Variants in ATMIN observed in about 807,000 individuals in gnomAD.
ATMIN encodes the protein ATM INteracting protein.
ATMIN carries 24 observed loss-of-function variants against 49.2 expected under a neutral mutation model. The ratio of observed to expected loss-of-function variants is 0.49; its 90% CI spans 0.35 to 0.69. ATMIN has a LOEUF of 0.69. Among genes scored for constraint, ATMIN ranks in the 30% least tolerant of loss-of-function variants. ATMIN has a pLI of 0.00. For missense variants in ATMIN, 1,037 were observed against 1,005.5 expected (o/e 1.03, Z -0.42); for synonymous variants, 450 against 392.5 (o/e 1.15, Z -1.73).
intron 1 of ATMIN, among the ~76,000 whole-genome samples, chr16:81,038,881 C>T (rs1334387431): frequency 3.3e-5 from 5 of 152,100 alleles, no homozygotes; most frequent in South Asian, 2.1e-4. Context: ...CTGCAACTTC[C>T]GCTTCTCGGG....
intron 1 of ATMIN, among the ~76,000 whole-genome samples, chr16:81,036,616 C>G (rs1321985210): frequency 6.6e-6 from 1 of 152,204 alleles, no homozygotes. Flanking sequence ...GGGCTTTAAA[C>G]CGGGGCCTCT....
Position 81,036,309 on chromosome 16 carries a change from C to T in ATMIN, c.336+103C>T, listed in dbSNP as rs1013740692. On this transcript the variant is annotated intron_variant, in intron 1 of 3. Transcript: ENST00000299575. The stretch of plus-strand genomic sequence containing the variant: ...GCCTCGGGGGGACGAGCGCCCTGCG[C>T]GCTGCCGCTGCCGCTGCCCCACCGG... 73 of 990,636 alleles carry T rather than the reference C, an allele frequency of 7.4e-5. No individual in the cohort carries two copies. The Admixed American group carries it at 3.0e-3, about 40-fold the overall frequency. 61.4% of individuals were successfully genotyped at this position (990,636 alleles called of 1,614,324 possible). A position where few individuals can be genotyped will look rare whatever the true frequency, so the allele number is the denominator to read the frequency against.
rs565178281 is a variant in ATMIN at position 81,044,498 on chromosome 16, C to T, written c.2000C>T (p.Ser667Leu). The change falls in exon 4 of 4, where the codon TCA (serine) becomes TTA (leucine). Residue 667 changes from serine to leucine, a missense_variant. Ser to Leu is a moderately radical substitution (Grantham distance 145). Transcript: ENST00000299575. The part of the protein sequence containing the change: ...STMTTEPVLE[S>L]LDIETQTDFL... ...ATGACCACCGAGCCAGTCTTGGAGT[C>T]ACTGGACATAGAGACTCAAACGGAC... The T allele has an allele frequency of 8.7e-6, 14 of 1,614,078 alleles. No individual in the cohort carries two copies. In the South Asian group the frequency reaches 1.3e-4, roughly 15 times the overall value.
rs1371780531 is a variant in ATMIN at position 81,046,748 on chromosome 16, C to T, written c.*1778C>T. 2 of 152,158 alleles carry T rather than the reference C, an allele frequency of 1.3e-5. No individual in the cohort carries two copies. Among genetic ancestry groups the T allele is most frequent in the South Asian group, 4.2e-4 (2 of 4,816 alleles). 9.4% of individuals were successfully genotyped at this position (152,158 alleles called of 1,614,324 possible). A position where few individuals can be genotyped will look rare whatever the true frequency, so the allele number is the denominator to read the frequency against. On this transcript the variant is annotated 3_prime_UTR_variant, in exon 4 of 4. Transcript: ENST00000299575. ...TTACTGAAAGCTAAATCCTCAAAAC[C>T]TAGTAAGGGGACTAATGATTCATTA...
chr16:81,045,087 GCTT>G lies in ATMIN; in HGVS notation c.*121_*123del, dbSNP rs1971097435. On this transcript the variant is annotated 3_prime_UTR_variant, in exon 4 of 4. Coordinates refer to ENST00000299575, the MANE Select transcript of ATMIN (RefSeq NM_015251.3). ...ATGTGGCTGATGATGCAGTTGCTTA[GCTT>G]CTTTGTGTTTCTTTGCCTTTTGTAC... 3.0e-6 allele frequency: 4 copies of G among 1,346,742 alleles called. No homozygotes were observed. Among genetic ancestry groups the G allele is most frequent in the Admixed American group, 2.5e-5 (1 of 39,700 alleles). 83.4% of individuals were successfully genotyped at this position (1,346,742 alleles called of 1,614,324 possible). A position where few individuals can be genotyped will look rare whatever the true frequency, so the allele number is the denominator to read the frequency against.
intron 1 of ATMIN, chr16:81,037,091 C>T (rs1227348166): frequency 2.7e-5 from 21 of 766,206 alleles, no homozygotes; most frequent in Non-Finnish European, 3.3e-5. Context: ...ACATCTGTGA[C>T]AAGCTTATTA....
chr16:81,038,397 C>G (rs187177151), intron 1 of ATMIN, among the ~76,000 whole-genome samples: 4 of 152,264 alleles, frequency 2.6e-5, no homozygotes, highest in Non-Finnish European at 5.9e-5. Flanking sequence ...TCCTAAAGGG[C>G]TGGGATTACA....
chr16:81,042,149 A>T, intron 2 of ATMIN, 132 bp from the exon 3 acceptor site: 1 of 764,196 alleles, frequency 1.3e-6, no homozygotes, highest in Non-Finnish European at 2.2e-6. Context: ...CATTCTTTTG[A>T]CTTGGACTGC....
At position 81,042,428 on chromosome 16, in the gene ATMIN, G is replaced by A; in HGVS notation, c.610G>A (p.Ala204Thr). ...TCGCPYASRT[A>T]LQSHIYRTGH... is the part of the protein sequence containing the mutation. Reference sequence around the variant, plus strand: ...CGGCTGTCCCTACGCCAGTAGAACAGCACTGCAGTCTCACATCTACCGAAC... The same window carrying A: ...CGGCTGTCCCTACGCCAGTAGAACAACACTGCAGTCTCACATCTACCGAAC... Residue 204 changes from alanine (A) to threonine (T), a missense_variant, in exon 3 of 4, where the codon GCA becomes ACA. Physicochemically the swap from Ala to Thr is moderately conservative, Grantham distance 58 (BLOSUM62 0). Transcript: ENST00000299575. 1.2e-6 allele frequency: 2 copies of A among 1,614,186 alleles called. No homozygotes were observed. Among genetic ancestry groups the A allele is most frequent in the Non-Finnish European group, 1.7e-6 (2 of 1,180,044 alleles).
chr16:81,041,666 G>GA (rs1368005844), intron 2 of ATMIN, 185 bp downstream of exon 2: 2 of 634,896 alleles, frequency 3.2e-6, no homozygotes, highest in Non-Finnish European at 5.3e-6. Context: ...GCACGGTCTG[G>GA]AGGGAATATG....
intron 1 of ATMIN, among the ~76,000 whole-genome samples, chr16:81,038,647 G>A (rs1009110950): frequency 6.6e-6 from 1 of 152,106 alleles, no homozygotes; most frequent in Non-Finnish European, 1.5e-5. Flanking sequence ...TCTGTACCTT[G>A]TCTGGTTACT....
intron 1 of ATMIN, 57 bp from the exon 2 acceptor site, chr16:81,041,299 C>G (rs12444747): frequency 0.075 from 116,207 of 1,547,924 alleles, 4,814 homozygotes; most frequent in African/African-American, 0.093. Flanking sequence ...CGTTTCCACT[C>G]CAGCCTGTTG....
At chr16:81,039,112 A>T (rs1164755064) in intron 1 of ATMIN, among the ~76,000 whole-genome samples, 1 of 152,124 alleles carries the variant, frequency 6.6e-6, no homozygotes, top group Non-Finnish European at 1.5e-5. Context: ...ATCAATGTTG[A>T]TACCTGTTTT....
rs1971118628 is a variant in ATMIN, at chr16:81,046,293, G to A, written c.*1323G>A. The A allele has an allele frequency of 6.6e-6, 1 of 152,186 alleles. No individual in the cohort carries two copies. The allele number at this position is 152,186 out of a possible 1,614,324, so 9.4% of individuals were successfully genotyped here. A position where few individuals can be genotyped will look rare whatever the true frequency, so the allele number is the denominator to read the frequency against. ...TTCTACTAAGCTTGATAGGGCAGGA[G>A]TGCAATCTACAATTATTTTAAAGTG... is the stretch of plus-strand genomic sequence containing the variant. On this transcript the variant is annotated 3_prime_UTR_variant, in exon 4 of 4. Coordinates refer to ENST00000299575, the MANE Select transcript of ATMIN (RefSeq NM_015251.3).
chr16:81,039,794 T>G (rs1022892854), intron 1 of ATMIN, among the ~76,000 whole-genome samples: 1 of 152,222 alleles, frequency 6.6e-6, no homozygotes, highest in African/African-American at 2.4e-5. Flanking sequence ...TGTGTTATTT[T>G]TAGTCCAGAG....
chr16:81,043,593 C>T lies in ATMIN; in HGVS notation c.1095C>T (p.Ser365=). 1 of 1,614,090 alleles carries T rather than the reference C, an allele frequency of 6.2e-7. No homozygotes were observed. Among genetic ancestry groups the T allele is most frequent in the South Asian group, 1.1e-5 (1 of 91,080 alleles). The change falls in exon 4 of 4, where the codon AGC becomes AGT. Residue 365 remains serine (S), a synonymous_variant. Coordinates refer to ENST00000299575, the MANE Select transcript of ATMIN (RefSeq NM_015251.3). ...LDSEACSLKE[S]LPLFKIANPI... ...CAGAGGCTTGCTCTCTTAAGGAGAG[C>T]CTACCTCTTTTCAAAATTGCTAATC...
intron 2 of ATMIN, 194 bp downstream of exon 2, chr16:81,041,675 T>C (rs1201988662): frequency 3.4e-6 from 2 of 582,936 alleles, no homozygotes; most frequent in Non-Finnish European, 5.8e-6. Flanking sequence ...GGAGGGAATA[T>C]GTCTAGAACT....
At chr16:81,036,326 C>G in intron 1 of ATMIN, 120 bp downstream of exon 1, 1 of 950,516 alleles carries the variant, frequency 1.1e-6, no homozygotes, top group South Asian at 4.8e-5. Context: ...GCTGCCGCTG[C>G]CCCACCGGCC....
chr16:81,043,218 CAA>C lies in ATMIN; in HGVS notation c.721_722del (p.Asn241GlnfsTer4). 1 of 1,613,670 alleles carries C rather than the reference CAA, an allele frequency of 6.2e-7. No individual in the cohort carries two copies. ...ACTGTGCACAAAACCAGAAGTTATCCAACAAGACCATTGAATCATTGAACAAC... is the reference window on the plus strand; with the variant it reads ...ACTGTGCACAAAACCAGAAGTTATCCCAAGACCATTGAATCATTGAACAAC... ...ENCAQNQKLS[N>X]KTIESLNNQP... On this transcript the variant is annotated frameshift_variant, in exon 4 of 4. Transcript: ENST00000299575. LOFTEE classifies it low-confidence loss of function (END_TRUNC).
Sources: gnomAD v4.1 joint callset for allele counts (sites outside exome capture counted in the v4.1 genomes callset) on GRCh38, gnomAD v4.1.1 for gene constraint, MANE v1.5 for transcripts, NCBI Gene and HGNC (gene_info 2026-07-23, HGNC 2026-07-21) for gene names.